Variants in GRM1 observed in about 807,000 individuals in gnomAD.
The protein encoded by GRM1 is glutamate metabotropic receptor 1.
In GRM1, 33 loss-of-function variants were observed where a neutral mutation model predicts 90.9. The ratio of observed to expected loss-of-function variants is 0.36; its 90% CI spans 0.28 to 0.49. GRM1 has a LOEUF of 0.49. Ranked by LOEUF, GRM1 falls within the 20% of genes least tolerant of loss-of-function variation. The probability of loss-of-function intolerance (pLI) is 0.99; values close to 1 mark genes in which losing one functional copy is unlikely to be tolerated. For missense variants in GRM1, 1,190 were observed against 1,534.3 expected (o/e 0.78, Z 3.75); for synonymous variants, 700 against 613.2 (o/e 1.14, Z -2.09).
chr6:146,190,685 A>G (rs1484458773), intron 2 of GRM1, among the ~76,000 whole-genome samples: 1 of 152,094 alleles, frequency 6.6e-6, no homozygotes, highest in Non-Finnish European at 1.5e-5. Flanking sequence ...TGTTGTTTTT[A>G]CCTCTTCAAT....
chr6:146,121,309 C>A (rs915610472), intron 1 of GRM1, among the ~76,000 whole-genome samples: 3 of 152,084 alleles, frequency 2.0e-5, no homozygotes, highest in African/African-American at 7.2e-5. Context: ...TTTATTGCGT[C>A]TATTTGATTC....
At chr6:146,132,911 T>C (rs1241850979) in intron 1 of GRM1, among the ~76,000 whole-genome samples, 1 of 152,234 alleles carries the variant, frequency 6.6e-6, no homozygotes, top group East Asian at 1.9e-4. Context: ...TAGTTCTACC[T>C]GGCATGTACA....
chr6:146,349,808 T>A (rs1785329277), intron 3 of GRM1, among the ~76,000 whole-genome samples: 2 of 152,202 alleles, frequency 1.3e-5, no homozygotes, highest in South Asian at 4.1e-4. Flanking sequence ...AGTTAAAAAA[T>A]AATGACATTC....
At chr6:146,357,286 G>C (rs568226923) in intron 4 of GRM1, among the ~76,000 whole-genome samples, 1 of 152,272 alleles carries the variant, frequency 6.6e-6, no homozygotes, top group East Asian at 1.9e-4. Context: ...TAAGCAGAGA[G>C]AAAAGTACAA....
At chr6:146,170,307 G>C (rs998626058) in intron 2 of GRM1, among the ~76,000 whole-genome samples, 42 of 151,970 alleles carry the variant, frequency 2.8e-4, no homozygotes, top group Admixed American at 6.6e-5. Flanking sequence ...AGATTTTTCA[G>C]CAAATTTGGA....
At chr6:146,239,465 C>A (rs79437447) in intron 2 of GRM1, among the ~76,000 whole-genome samples, 1 of 152,026 alleles carries the variant, frequency 6.6e-6, no homozygotes, top group Non-Finnish European at 1.5e-5. Flanking sequence ...GAGTTCCTTG[C>A]GGGCAAGTAT....
chr6:146,385,012 A>G (rs1268043205), intron 5 of GRM1, among the ~76,000 whole-genome samples: 2 of 152,112 alleles, frequency 1.3e-5, no homozygotes, highest in African/African-American at 4.8e-5. Context: ...TTGCAGAGTA[A>G]TACCCAGTGG....
intron 2 of GRM1, among the ~76,000 whole-genome samples, chr6:146,166,187 C>G (rs148739074): frequency 6.6e-6 from 1 of 152,124 alleles, no homozygotes; most frequent in Non-Finnish European, 1.5e-5. Flanking sequence ...TCACAATCAG[C>G]AGACACACTT....
chr6:146,267,705 C>G lies in GRM1; in HGVS notation c.951-36906C>G, dbSNP rs1220378473. 4.4e-5 allele frequency among the ~76,000 whole-genome samples: 4 copies of G among 90,198 alleles called. No homozygotes were observed. The East Asian group carries it at 1.0e-3, about 23-fold the overall frequency. 59.2% of individuals were successfully genotyped at this position (90,198 alleles called of 152,430 possible). A position where few individuals can be genotyped will look rare whatever the true frequency, so the allele number is the denominator to read the frequency against. Reference sequence around the variant, plus strand: ...GGGCTCGGCTCGGCTCGGCTCGGCTCGTCTCGTCTCGTCTCGTCTCGTCTC... The same window carrying G: ...GGGCTCGGCTCGGCTCGGCTCGGCTGGTCTCGTCTCGTCTCGTCTCGTCTC... On this transcript the variant is annotated intron_variant, in intron 2 of 7. Coordinates refer to ENST00000282753, the MANE Select transcript of GRM1 (RefSeq NM_001278064.2).
intron 2 of GRM1, among the ~76,000 whole-genome samples, chr6:146,302,764 A>G (rs528650138): frequency 9.3e-4 from 141 of 152,128 alleles, no homozygotes; most frequent in Non-Finnish European, 1.5e-3. Flanking sequence ...GAGGATAGTG[A>G]GTCTTATTCT....
At chr6:146,213,904 G>A (rs1779779086) in intron 2 of GRM1, among the ~76,000 whole-genome samples, 1 of 152,120 alleles carries the variant, frequency 6.6e-6, no homozygotes, top group Non-Finnish European at 1.5e-5. Context: ...CTCTTAGTGT[G>A]AGGCAGAAAG....
At chr6:146,155,856 C>T (rs917468410) in intron 1 of GRM1, among the ~76,000 whole-genome samples, 1 of 152,124 alleles carries the variant, frequency 6.6e-6, no homozygotes, top group African/African-American at 2.4e-5. Context: ...CCATTTTATT[C>T]CAAACATGTT....
At position 146,399,800 on chromosome 6, in the gene GRM1, A is replaced by G. The variant is rs566743749; in HGVS notation, c.2660+101A>G. ...TTCTCTGTCTCTCATATCTTCCTCTAGTTTTCTGAGTTGTCTCTTCCATTT... is the reference window on the plus strand; with the variant it reads ...TTCTCTGTCTCTCATATCTTCCTCTGGTTTTCTGAGTTGTCTCTTCCATTT... On this transcript the variant is annotated intron_variant, in intron 7 of 7. Coordinates refer to ENST00000282753, the MANE Select transcript of GRM1 (RefSeq NM_001278064.2). This position sits in a 1 kb window ranked among gnomAD's most constrained non-coding sequence, Gnocchi z 5.4. 21 of 788,746 alleles carry G rather than the reference A, an allele frequency of 2.7e-5. No individual in the cohort carries two copies. The highest frequency in any genetic ancestry group is 2.5e-4 in the South Asian group (17 of 67,682). 48.9% of individuals were successfully genotyped at this position (788,746 alleles called of 1,614,324 possible).
At chr6:146,276,954 A>C (rs1353532996) in intron 2 of GRM1, among the ~76,000 whole-genome samples, 2 of 152,090 alleles carry the variant, frequency 1.3e-5, no homozygotes, top group African/African-American at 4.8e-5. Context: ...ATAAATTAAT[A>C]AAAATTAGTT....
chr6:146,150,936 G>A (rs865945212), intron 1 of GRM1, among the ~76,000 whole-genome samples: 124 of 44,680 alleles, frequency 2.8e-3, no homozygotes, highest in African/African-American at 9.1e-3. Flanking sequence ...ACGCGTGTGC[G>A]CGCACACACA....
chr6:146,043,317 A>G (rs7766463), intron 1 of GRM1, among the ~76,000 whole-genome samples: 60,415 of 151,726 alleles, frequency 0.4, 12,331 homozygotes, highest in Middle Eastern at 0.51. Context: ...AGGTTTCCAG[A>G]ATATTACATA....
At chr6:146,236,454 G>A (rs1033774631) in intron 2 of GRM1, among the ~76,000 whole-genome samples, 2 of 152,094 alleles carry the variant, frequency 1.3e-5, no homozygotes, top group South Asian at 2.1e-4. Context: ...TCCCCTAGGA[G>A]TACACTGCTG....
At chr6:146,346,435 T>G (rs1439564904) in intron 3 of GRM1, among the ~76,000 whole-genome samples, 1 of 152,254 alleles carries the variant, frequency 6.6e-6, no homozygotes, top group Non-Finnish European at 1.5e-5. Flanking sequence ...TTTAATAAAC[T>G]GAATAGAAAA....
chr6:146,054,823 G>T (rs1775421935), intron 1 of GRM1, among the ~76,000 whole-genome samples: 1 of 152,024 alleles, frequency 6.6e-6, no homozygotes, highest in African/African-American at 2.4e-5. Flanking sequence ...TTTTTCCCCA[G>T]AGGAAAAAAC....
Sources: allele counts gnomAD v4.1 joint callset (sites outside exome capture counted in the v4.1 genomes callset), GRCh38; gene constraint gnomAD v4.1.1; non-coding constraint Gnocchi (gnomAD v3.1); transcripts MANE v1.5; gene names NCBI Gene and HGNC (gene_info 2026-07-23, HGNC 2026-07-21).